PPARGC1A: variants seen among roughly 807,000 people sequenced by gnomAD.
PPARGC1A encodes peroxisome proliferator-activated receptor gamma coactivator 1-alpha.
A neutral mutation model predicts 88.7 loss-of-function variants in PPARGC1A; 25 were observed. That is an observed-to-expected ratio of 0.28 (90% CI 0.21 to 0.39). The LOEUF (loss-of-function observed/expected upper bound fraction) is 0.39, where lower values mean the gene tolerates loss of function less well. Among genes scored for constraint, PPARGC1A ranks in the 10% least tolerant of loss-of-function variants. The probability of loss-of-function intolerance (pLI) is 1.00; values close to 1 mark genes in which losing one functional copy is unlikely to be tolerated. For synonymous variants in PPARGC1A, 363 were observed against 355.6 expected, an observed-to-expected ratio of 1.02 and a Z score of -0.24; for missense variants, 880 against 968.7, an observed-to-expected ratio of 0.91 and a Z score of 1.22.
At chr4:23,839,685 T>A (rs1726699172) in intron 2 of PPARGC1A, among the ~76,000 whole-genome samples, 1 of 152,128 alleles carries the variant, frequency 6.6e-6, no homozygotes, top group Non-Finnish European at 1.5e-5. Context: ...GACTGGGCAA[T>A]TTACAAGAGA....
chr4:24,145,216 G>A, the PPARGC1A span, among the ~76,000 whole-genome samples: 33 of 151,992 alleles, frequency 2.2e-4, 1 homozygote, highest in Admixed American at 1.7e-3. Context: ...CTTTATAGAG[G>A]AATGAAGAGA....
chr4:24,058,612 C>T, the PPARGC1A span, among the ~76,000 whole-genome samples: 5 of 152,076 alleles, frequency 3.3e-5, no homozygotes, highest in African/African-American at 9.7e-5. Flanking sequence ...TTCAGGTCAA[C>T]GAGTGAAAAA....
chr4:24,452,686 G>A, the PPARGC1A span, among the ~76,000 whole-genome samples: 60 of 152,218 alleles, frequency 3.9e-4, 1 homozygote, highest in East Asian at 9.1e-3. Flanking sequence ...CACGTGTGGC[G>A]TGGAATACTG....
the PPARGC1A span, among the ~76,000 whole-genome samples, chr4:24,442,364 A>T: frequency 2.0e-5 from 3 of 152,192 alleles, no homozygotes; most frequent in Non-Finnish European, 4.4e-5. Context: ...GGGGAAAAAA[A>T]ATCTTCATTT....
intron 2 of PPARGC1A, among the ~76,000 whole-genome samples, chr4:23,852,460 A>G (rs1008214877): frequency 1.3e-5 from 2 of 152,060 alleles, no homozygotes; most frequent in Non-Finnish European, 2.9e-5. Flanking sequence ...TTTTCATGGC[A>G]GTCTTCATTG....
At chr4:24,436,680 TCGA>T in the PPARGC1A span, among the ~76,000 whole-genome samples, 2 of 130,340 alleles carry the variant, frequency 1.5e-5, no homozygotes, top group East Asian at 2.3e-4. Flanking sequence ...AGAGCTGACA[TCGA>T]TTGGCCACCC....
At chr4:24,213,914 G>C in the PPARGC1A span, among the ~76,000 whole-genome samples, 5 of 152,320 alleles carry the variant, frequency 3.3e-5, no homozygotes, top group South Asian at 1.0e-3. Context: ...CTGATGAACA[G>C]TTTAAAAACT....
chr4:23,959,258 G>C, the PPARGC1A span, among the ~76,000 whole-genome samples: 1 of 152,070 alleles, frequency 6.6e-6, no homozygotes, highest in Non-Finnish European at 1.5e-5. Context: ...GCTAAGCAGG[G>C]AACAAAGTGA....
the PPARGC1A span, among the ~76,000 whole-genome samples, chr4:24,226,723 G>T: frequency 2.0e-5 from 3 of 152,174 alleles, no homozygotes; most frequent in African/African-American, 4.8e-5. Flanking sequence ...ACCTGCCAGC[G>T]CTGGGCTGTC....
chr4:24,261,289 C>T, the PPARGC1A span, among the ~76,000 whole-genome samples: 3 of 152,172 alleles, frequency 2.0e-5, no homozygotes, highest in African/African-American at 7.2e-5. Context: ...GAATCCCTGC[C>T]CTGGCACTCC....
At chr4:24,132,306 AAG>A in the PPARGC1A span, among the ~76,000 whole-genome samples, 2 of 151,538 alleles carry the variant, frequency 1.3e-5, no homozygotes, top group Non-Finnish European at 2.9e-5. Context: ...GAAAAAAAAA[AAG>A]TCCATTATCA....
chr4:24,349,272 GGCCTCC>G, the PPARGC1A span, among the ~76,000 whole-genome samples: 1 of 152,196 alleles, frequency 6.6e-6, no homozygotes, highest in Non-Finnish European at 1.5e-5. Flanking sequence ...TGTGCTGGTT[GGCCTCC>G]TGCCAGGAGG....
the PPARGC1A span, among the ~76,000 whole-genome samples, chr4:24,125,370 G>T: frequency 1.3e-5 from 2 of 152,050 alleles, no homozygotes; most frequent in African/African-American, 4.8e-5. Context: ...TCTTCAAGGT[G>T]GTCTCCATGC....
chr4:24,448,965 CAAG>C, the PPARGC1A span, among the ~76,000 whole-genome samples: 5 of 152,186 alleles, frequency 3.3e-5, no homozygotes, highest in African/African-American at 9.7e-5. Flanking sequence ...GACCCTGTTA[CAAG>C]ATTATAGTTC....
At chr4:24,124,194 G>A in the PPARGC1A span, among the ~76,000 whole-genome samples, 2 of 152,162 alleles carry the variant, frequency 1.3e-5, no homozygotes, top group South Asian at 2.1e-4. Context: ...TGCAAATGTC[G>A]AGGTTTCACA....
the PPARGC1A span, among the ~76,000 whole-genome samples, chr4:24,305,129 G>GTATTTATATA: frequency 1.7e-5 from 1 of 58,908 alleles, no homozygotes; most frequent in Non-Finnish European, 2.9e-5. Context: ...ACATATATGT[G>GTATTTATATA]TATGTATATA....
intron 3 of PPARGC1A, among the ~76,000 whole-genome samples, chr4:23,830,684 C>A (rs959813514): frequency 4.6e-5 from 7 of 152,126 alleles, no homozygotes; most frequent in African/African-American, 1.7e-4. Flanking sequence ...ATATTAGAGT[C>A]TGGAGGATCA....
the PPARGC1A span, among the ~76,000 whole-genome samples, chr4:24,398,772 G>T: frequency 6.6e-6 from 1 of 152,158 alleles, no homozygotes; most frequent in Non-Finnish European, 1.5e-5. Context: ...TTCTCCAGGG[G>T]TTAATGTGCA....
the PPARGC1A span, among the ~76,000 whole-genome samples, chr4:24,142,020 G>A: frequency 9.8e-4 from 149 of 152,258 alleles, 2 homozygotes; most frequent in Middle Eastern, 0.017. Flanking sequence ...GGCACTCAAA[G>A]AACTATTTAG....
Sources: gnomAD v4.1 joint callset for allele counts (sites outside exome capture counted in the v4.1 genomes callset) on GRCh38, gnomAD v4.1.1 for gene constraint, MANE v1.5 for transcripts, NCBI Gene and HGNC (gene_info 2026-07-23, HGNC 2026-07-21) for gene names.